TAF3: variants seen among roughly 807,000 people sequenced by gnomAD.
TAF3 encodes the protein TATA-box binding protein associated factor 3.
Under a neutral mutation model 80.6 loss-of-function variants are expected in TAF3, and 7 were observed. That is an observed-to-expected ratio of 0.09 (90% confidence interval 0.05 to 0.16). The LOEUF (loss-of-function observed/expected upper bound fraction) is 0.16. Among genes scored for constraint, TAF3 ranks in the 10% least tolerant of loss-of-function variants. The pLI is 1.00. For missense variants in TAF3, 921 were observed against 1,140.2 expected, an observed-to-expected ratio of 0.81 and a Z score of 2.77; for synonymous variants, 444 against 446.1, an observed-to-expected ratio of 1.00 and a Z score of 0.06.
At chr10:8,011,627 T>A (rs972935403) in intron 5 of TAF3, among the ~76,000 whole-genome samples, 2 of 152,226 alleles carry the variant, frequency 1.3e-5, no homozygotes, top group Non-Finnish European at 2.9e-5. Context: ...AAAAGTGTGA[T>A]CATCAAATTG....
rs765624121 is a variant in TAF3, at chr10:7,965,485, A to G, written c.1975A>G (p.Lys659Glu). Residue 659 changes from lysine (K) to glutamate (E), a missense_variant, in exon 3 of 7, where the codon AAA becomes GAA. By Grantham distance (56) the Lys-to-Glu change is moderately conservative. This residue lies in a region of TAF3 where 743 missense variants were observed against 821.0 expected (regional missense o/e 0.90). Transcript: ENST00000344293. The stretch of plus-strand genomic sequence containing the variant: ...AGCACCCCCACTGGTGTTGCCCCCA[A>G]AAGAGTTGGCCCTGCCCTTGTTCAG... ...APAPPLVLPP[K>E]ELALPLFSPA... 8.7e-6 allele frequency: 14 copies of G among 1,608,978 alleles called. No individual in the cohort carries two copies. Among genetic ancestry groups the G allele is most frequent in the African/African-American group, 8.1e-5 (6 of 74,418 alleles).
intron 4 of TAF3, among the ~76,000 whole-genome samples, chr10:7,992,965 G>C (rs1368643907): frequency 8.6e-5 from 13 of 151,906 alleles, no homozygotes; most frequent in Non-Finnish European, 1.8e-4. Context: ...CTAAAAATAT[G>C]GTTATTTTCT....
In TAF3 at chr10:7,993,880, C is replaced by CTTT. The variant is rs953356058; in HGVS notation, c.2316-15176_2316-15174dup. On this transcript the variant is annotated intron_variant, in intron 4 of 6. Coordinates refer to ENST00000344293, the MANE Select transcript of TAF3 (RefSeq NM_031923.4). ...AGGAGAGGCAGGATAAATATACAAT[C>CTTT]TTTTTTTTTTTTTTTTTTTTTTTTA... is the stretch of plus-strand genomic sequence containing the variant. Among the ~76,000 whole-genome samples, 129 of 104,398 alleles carry CTTT rather than the reference C, an allele frequency of 1.2e-3. 2 individuals carry two copies. The highest frequency in any genetic ancestry group is 4.3e-3 in the African/African-American group (114 of 26,792). 68.5% of individuals were successfully genotyped at this position (104,398 alleles called of 152,430 possible).
In TAF3 at chr10:8,006,593, T is replaced by C. The variant is rs185466198; in HGVS notation, c.2316-2485T>C. 1.4e-3 allele frequency among the ~76,000 whole-genome samples: 216 copies of C among 152,338 alleles called. 1 individual carries two copies. Among genetic ancestry groups the C allele is most frequent in the African/African-American group, 5.1e-3 (211 of 41,580 alleles). ...TTTGGCTGTATCCAAGTTAGGAAGATGATCACCCTTGCAGGAAACAAATAG... is the reference window on the plus strand; with the variant it reads ...TTTGGCTGTATCCAAGTTAGGAAGACGATCACCCTTGCAGGAAACAAATAG... On this transcript the variant is annotated intron_variant, in intron 4 of 6. Transcript: ENST00000344293.
intron 5 of TAF3, among the ~76,000 whole-genome samples, chr10:8,012,146 C>T (rs1191955866): frequency 3.3e-5 from 5 of 152,034 alleles, no homozygotes; most frequent in Non-Finnish European, 7.4e-5. Flanking sequence ...CCACTGCACT[C>T]CAGCCTGGGT....
intron 3 of TAF3, among the ~76,000 whole-genome samples, chr10:7,974,134 AC>A: frequency 3.7e-4 from 2 of 5,458 alleles, no homozygotes; most frequent in South Asian, 0.011. Flanking sequence ...TCTGAAACAT[AC>A]ACACACACAC....
chr10:7,981,880 A>G (rs1267134309), intron 4 of TAF3, among the ~76,000 whole-genome samples: 2 of 152,222 alleles, frequency 1.3e-5, no homozygotes, highest in Non-Finnish European at 2.9e-5. Context: ...ATGAGAGCTA[A>G]AGCTTTGCTT....
At chr10:7,994,891 C>A (rs1176074222) in intron 4 of TAF3, among the ~76,000 whole-genome samples, 2 of 148,472 alleles carry the variant, frequency 1.3e-5, no homozygotes, top group Non-Finnish European at 1.5e-5. Context: ...ATGAGAATCA[C>A]TTGAACCCAG....
At chr10:8,013,952 G>A (rs1022849394) in intron 6 of TAF3, 115 bp downstream of exon 6, 4 of 836,996 alleles carry the variant, frequency 4.8e-6, no homozygotes, top group Non-Finnish European at 7.9e-6. Context: ...GCTGTCCTAG[G>A]GACAGTACAT....
intron 2 of TAF3, among the ~76,000 whole-genome samples, chr10:7,937,087 T>C (rs1329795667): frequency 6.6e-6 from 1 of 152,238 alleles, no homozygotes; most frequent in Non-Finnish European, 1.5e-5. Context: ...ATTCACCAAA[T>C]GAGCGACCTC....
At position 7,818,887 on chromosome 10, in the gene TAF3, G is replaced by T. The variant is rs749978770; in HGVS notation, c.166+12G>T. The T allele has an allele frequency of 8.4e-6, 12 of 1,421,146 alleles. No individual in the cohort carries two copies. The Admixed American group carries it at 2.8e-4, about 34-fold the overall frequency. 88.0% of individuals were successfully genotyped at this position (1,421,146 alleles called of 1,614,324 possible). On this transcript the variant is annotated intron_variant, in intron 1 of 6. Transcript: ENST00000344293. ...GTACTCTGAGCTCTGTGAGTACCGG[G>T]CTGGGTGCGGGAGGGCTGCCCCGGC...
chr10:7,929,224 G>A (rs971175698), intron 2 of TAF3, among the ~76,000 whole-genome samples: 2 of 149,898 alleles, frequency 1.3e-5, no homozygotes, highest in African/African-American at 2.4e-5. Flanking sequence ...CTCTTCATTT[G>A]TGTTAATTGA....
At chr10:7,889,745 C>T (rs147305482) in intron 2 of TAF3, among the ~76,000 whole-genome samples, 7 of 152,322 alleles carry the variant, frequency 4.6e-5, no homozygotes, top group East Asian at 1.9e-4. Context: ...GAAATAGCCT[C>T]GTCTTGTGTC....
intron 2 of TAF3, among the ~76,000 whole-genome samples, chr10:7,906,060 G>GC (rs1469024941): frequency 6.6e-6 from 1 of 152,180 alleles, no homozygotes; most frequent in Non-Finnish European, 1.5e-5. Flanking sequence ...AATTAAAAGT[G>GC]CTCGTGGATA....
chr10:7,898,544 T>TGA (rs1837528144), intron 2 of TAF3, among the ~76,000 whole-genome samples: 1 of 54,836 alleles, frequency 1.8e-5, no homozygotes, highest in Non-Finnish European at 3.3e-5. Context: ...AGACTCTGTC[T>TGA]CAAAAAAAAA....
intron 2 of TAF3, among the ~76,000 whole-genome samples, chr10:7,859,743 T>A (rs1446216201): frequency 1.3e-5 from 2 of 152,234 alleles, no homozygotes; most frequent in South Asian, 2.1e-4. Context: ...TCTACTAGAA[T>A]GTAATCCATG....
intron 2 of TAF3, among the ~76,000 whole-genome samples, chr10:7,933,378 C>T (rs1837887481): frequency 6.6e-6 from 1 of 152,208 alleles, no homozygotes; most frequent in African/African-American, 2.4e-5. Context: ...ATGGCACCCA[C>T]CTGAGGAAGG....
chr10:7,939,615 CA>C (rs1837958744), intron 2 of TAF3, among the ~76,000 whole-genome samples: 2 of 147,858 alleles, frequency 1.4e-5, no homozygotes, highest in Non-Finnish European at 3.0e-5. Context: ...CACACACACA[CA>C]CACACCTCTA....
chr10:7,840,195 C>T (rs1434958525), intron 2 of TAF3, among the ~76,000 whole-genome samples: 4 of 151,460 alleles, frequency 2.6e-5, no homozygotes, highest in East Asian at 1.9e-4. Context: ...CACTGTCACC[C>T]GGGCTGGAGT....
Sources: allele counts gnomAD v4.1 joint callset (sites outside exome capture counted in the v4.1 genomes callset), GRCh38; gene constraint gnomAD v4.1.1; regional missense constraint gnomAD v4.1.1; transcripts MANE v1.5; gene names NCBI Gene and HGNC (gene_info 2026-07-23, HGNC 2026-07-21).